CDKAL1: variants seen among roughly 807,000 people sequenced by gnomAD.
The protein encoded by CDKAL1 is threonylcarbamoyladenosine tRNA methylthiotransferase.
In CDKAL1, 32 loss-of-function variants were observed where a neutral mutation model predicts 68.2. The ratio of observed to expected loss-of-function variants is 0.47; its 90% CI spans 0.35 to 0.63. The LOEUF (loss-of-function observed/expected upper bound fraction) is 0.63. CDKAL1 is among the 30% of genes least tolerant of loss of function. The pLI, the probability that CDKAL1 is intolerant of heterozygous loss-of-function variation, is 0.00. For missense variants in CDKAL1, 606 were observed against 696.7 expected, an observed-to-expected ratio of 0.87 and a Z score of 1.47; for synonymous variants, 234 against 244.3, an observed-to-expected ratio of 0.96 and a Z score of 0.39.
At position 20,832,488 on chromosome 6, in the gene CDKAL1, C is replaced by A. The variant is rs75905860; in HGVS notation, c.639-13587C>A. ...GTCTCTAATTAAAAAAAAAAAAAAACAAAACACGTGAAAATAAATTAGCCA... is the reference window on the plus strand; with the variant it reads ...GTCTCTAATTAAAAAAAAAAAAAAAAAAAACACGTGAAAATAAATTAGCCA... On this transcript the variant is annotated intron_variant, in intron 8 of 15. Coordinates refer to ENST00000274695, the MANE Select transcript of CDKAL1 (RefSeq NM_017774.3). Among the ~76,000 whole-genome samples, 655 of 144,344 alleles carry A rather than the reference C, an allele frequency of 4.5e-3. 5 individuals are homozygous for A. Among genetic ancestry groups the A allele is most frequent in the African/African-American group, 0.014 (561 of 39,372 alleles). 94.7% of individuals were successfully genotyped at this position (144,344 alleles called of 152,430 possible).
intron 9 of CDKAL1, among the ~76,000 whole-genome samples, chr6:20,872,570 A>G (rs912790368): frequency 2.0e-5 from 3 of 152,212 alleles, no homozygotes; most frequent in Non-Finnish European, 2.9e-5. Context: ...ATGGGCATGC[A>G]TATTTCAGTC....
rs992235731 is a variant in CDKAL1 at position 20,640,318 on chromosome 6, T to C, written c.287-8975T>C. On this transcript the variant is annotated intron_variant, in intron 4 of 15. Transcript: ENST00000274695. ...GACTCCTTTTATTGTTTTGTGTTGT[T>C]TCTTGGGTTGATTTTCAAATGGAAC... Among the ~76,000 whole-genome samples, 3 of 152,226 alleles carry C rather than the reference T, an allele frequency of 2.0e-5. No homozygotes were observed. The South Asian group carries it at 6.2e-4, about 32-fold the overall frequency.
At chr6:20,807,900 T>C (rs1776640530) in intron 8 of CDKAL1, among the ~76,000 whole-genome samples, 1 of 152,196 alleles carries the variant, frequency 6.6e-6, no homozygotes, top group South Asian at 2.1e-4. Context: ...TCAAAATCCA[T>C]TTAAGGGGTG....
At chr6:20,853,886 TATGGGGA>T in intron 9 of CDKAL1, among the ~76,000 whole-genome samples, 1 of 152,218 alleles carries the variant, frequency 6.6e-6, no homozygotes, top group East Asian at 1.9e-4. Context: ...ATAATGGCCA[TATGGGGA>T]AGGTGGAGGG....
chr6:20,747,422 C>T (rs575517423), intron 6 of CDKAL1, among the ~76,000 whole-genome samples: 22 of 152,114 alleles, frequency 1.4e-4, no homozygotes, highest in East Asian at 9.7e-4. Context: ...TTTTCCATAA[C>T]GGCTGTACCA....
At chr6:20,590,405 C>T (rs910635338) in intron 4 of CDKAL1, among the ~76,000 whole-genome samples, 3 of 151,996 alleles carry the variant, frequency 2.0e-5, no homozygotes, top group Middle Eastern at 6.8e-3. Context: ...GCAGAATGTG[C>T]AGGTTTGTTC....
At chr6:21,093,162 C>T (rs898260968) in intron 12 of CDKAL1, among the ~76,000 whole-genome samples, 8 of 152,076 alleles carry the variant, frequency 5.3e-5, no homozygotes, top group African/African-American at 1.7e-4. Flanking sequence ...TAGACCCATG[C>T]CAAGACAAGA....
chr6:20,789,234 C>T (rs1775799706), intron 8 of CDKAL1, among the ~76,000 whole-genome samples: 1 of 151,974 alleles, frequency 6.6e-6, no homozygotes, highest in South Asian at 2.1e-4. Flanking sequence ...CAACGGAATC[C>T]CAAAATATCT....
At chr6:20,802,124 C>A (rs2150407584) in intron 8 of CDKAL1, among the ~76,000 whole-genome samples, 1 of 151,856 alleles carries the variant, frequency 6.6e-6, no homozygotes, top group South Asian at 2.1e-4. Flanking sequence ...ATGGTGAAAC[C>A]CCGTCTCTAC....
intron 15 of CDKAL1, among the ~76,000 whole-genome samples, chr6:21,202,066 C>T (rs545631877): frequency 3.9e-5 from 6 of 152,194 alleles, no homozygotes; most frequent in Admixed American, 6.5e-5. Context: ...TCTTGTTCCT[C>T]AAAATAAATT....
chr6:20,642,269 T>A (rs1227071643), intron 4 of CDKAL1, among the ~76,000 whole-genome samples: 1 of 152,114 alleles, frequency 6.6e-6, no homozygotes, highest in Non-Finnish European at 1.5e-5. Context: ...ACACATTTGC[T>A]ATTTTAGAAA....
intron 11 of CDKAL1, among the ~76,000 whole-genome samples, chr6:21,017,138 A>T (rs1353960638): frequency 6.6e-6 from 1 of 152,190 alleles, no homozygotes; most frequent in Non-Finnish European, 1.5e-5. Flanking sequence ...CCATTATGGC[A>T]CATACCACAT....
intron 8 of CDKAL1, among the ~76,000 whole-genome samples, chr6:20,816,129 C>T (rs1212251311): frequency 6.9e-6 from 1 of 144,390 alleles, no homozygotes; most frequent in Non-Finnish European, 1.5e-5. Flanking sequence ...GTCCCCCCCC[C>T]CGCCTTTTTT....
intron 10 of CDKAL1, among the ~76,000 whole-genome samples, chr6:20,964,374 G>T (rs1765197581): frequency 6.6e-6 from 1 of 152,144 alleles, no homozygotes; most frequent in African/African-American, 2.4e-5. Flanking sequence ...GTTCATAGGA[G>T]CAGTATTCAC....
At chr6:20,573,177 T>C (rs1314147639) in intron 4 of CDKAL1, among the ~76,000 whole-genome samples, 1 of 152,142 alleles carries the variant, frequency 6.6e-6, no homozygotes, top group Admixed American at 6.5e-5. Flanking sequence ...GTATCTGAGA[T>C]CTGTTTTTTC....
chr6:20,676,665 T>TAAA (rs1770118985), intron 5 of CDKAL1, among the ~76,000 whole-genome samples: 2 of 132,900 alleles, frequency 1.5e-5, no homozygotes, highest in African/African-American at 6.5e-5. Flanking sequence ...AGACTCTGTC[T>TAAA]TAAATAAATA....
intron 9 of CDKAL1, among the ~76,000 whole-genome samples, chr6:20,937,002 A>G (rs1446835009): frequency 6.6e-6 from 1 of 152,128 alleles, no homozygotes; most frequent in Non-Finnish European, 1.5e-5. Flanking sequence ...GTTTGCTTTT[A>G]TTGTATAAAA....
At chr6:20,926,597 A>G (rs900843718) in intron 9 of CDKAL1, among the ~76,000 whole-genome samples, 1 of 152,114 alleles carries the variant, frequency 6.6e-6, no homozygotes, top group African/African-American at 2.4e-5. Context: ...ACCAGAAAGA[A>G]GAAGGGGCAT....
At chr6:21,122,003 C>A (rs1774746138) in intron 13 of CDKAL1, among the ~76,000 whole-genome samples, 1 of 152,158 alleles carries the variant, frequency 6.6e-6, no homozygotes. Context: ...TTATCACAAA[C>A]CACCTGATTT....
Sources: gnomAD v4.1 joint callset for allele counts (sites outside exome capture counted in the v4.1 genomes callset) on GRCh38, gnomAD v4.1.1 for gene constraint, MANE v1.5 for transcripts, NCBI Gene and HGNC (gene_info 2026-07-23, HGNC 2026-07-21) for gene names.